Variants in MOB1B observed in about 807,000 individuals in gnomAD.
The protein encoded by MOB1B is MOB kinase activator 1B.
MOB1B carries 19 observed loss-of-function variants against 24.4 expected under a neutral mutation model. The observed-to-expected ratio is 0.78, with a 90% CI of 0.54 to 1.14. The LOEUF is 1.14. MOB1B is among the 50% of genes most tolerant of loss of function. The pLI is 0.00. For missense variants in MOB1B, 243 were observed against 259.6 expected (o/e 0.94, Z 0.44); for synonymous variants, 76 against 82.1 (o/e 0.93, Z 0.40).
intron 3 of MOB1B, among the ~76,000 whole-genome samples, chr4:70,974,579 C>T (rs112270296): frequency 0.013 from 1,966 of 152,206 alleles, 37 homozygotes; most frequent in African/African-American, 0.045. Flanking sequence ...TGGTGGTGTT[C>T]TGCTAATACC....
intron 1 of MOB1B, among the ~76,000 whole-genome samples, chr4:70,905,588 C>T (rs569128747): frequency 1.4e-4 from 21 of 152,182 alleles, no homozygotes; most frequent in Non-Finnish European, 2.1e-4. Context: ...AGAAGGAAAG[C>T]GTTACAGCTT....
intron 1 of MOB1B, among the ~76,000 whole-genome samples, chr4:70,957,197 A>G (rs1738097279): frequency 7.2e-6 from 1 of 139,240 alleles, no homozygotes; most frequent in East Asian, 2.1e-4. Flanking sequence ...AAGTTTTCCC[A>G]CTTCTCGAGC....
intron 1 of MOB1B, among the ~76,000 whole-genome samples, chr4:70,929,731 C>T (rs920627748): frequency 5.3e-5 from 8 of 151,854 alleles, no homozygotes; most frequent in South Asian, 2.1e-4. Context: ...CTGCAAGCTC[C>T]GCCTCCTGGG....
At chr4:70,954,481 A>G (rs1737951142) in intron 1 of MOB1B, among the ~76,000 whole-genome samples, 1 of 152,082 alleles carries the variant, frequency 6.6e-6, no homozygotes, top group African/African-American at 2.4e-5. Context: ...TTTGAGACGG[A>G]GTCTTGCTGT....
Position 70,908,190 on chromosome 4 carries a change from T to A in MOB1B, c.14+5640T>A, listed in dbSNP as rs903446138. Among the ~76,000 whole-genome samples, 4 of 151,672 alleles carry A rather than the reference T, an allele frequency of 2.6e-5. No individual in the cohort carries two copies. In the South Asian group the frequency reaches 8.3e-4, roughly 32 times the overall value. On this transcript the variant is annotated intron_variant, in intron 1 of 5. Coordinates refer to ENST00000309395, the MANE Select transcript of MOB1B (RefSeq NM_173468.4). ...ACAGGCACCCACCACCATGCCCGGC[T>A]ACTTTTTTTTTGTATTTTTAGTAGA...
chr4:70,980,738 G>GT (rs1263682283), intron 5 of MOB1B, among the ~76,000 whole-genome samples: 1 of 152,118 alleles, frequency 6.6e-6, no homozygotes, highest in Non-Finnish European at 1.5e-5. Flanking sequence ...GGTCCAAAAT[G>GT]TATTTCCAGG....
chr4:70,975,451 C>A, intron 4 of MOB1B, 165 bp downstream of exon 4: 1 of 1,333,466 alleles, frequency 7.5e-7, no homozygotes, highest in Non-Finnish European at 9.6e-7. Context: ...AGTTTGTTAA[C>A]CCAGTGGTAA....
chr4:70,933,542 CTTTTTTTTTTTTTTTT>C (rs34950388), intron 1 of MOB1B, among the ~76,000 whole-genome samples: 1 of 91,616 alleles, frequency 1.1e-5, no homozygotes, highest in African/African-American at 4.2e-5. Flanking sequence ...AAAAATAACT[CTTTTTTTTTTTTTTTT>C]TTTTTTTTTT....
chr4:70,933,965 G>A (rs1736982204), intron 1 of MOB1B, among the ~76,000 whole-genome samples: 1 of 152,154 alleles, frequency 6.6e-6, no homozygotes, highest in South Asian at 2.1e-4. Flanking sequence ...GGCAGGTGGA[G>A]CACTTGAGGC....
chr4:70,911,157 G>A (rs967774210), intron 1 of MOB1B, among the ~76,000 whole-genome samples: 1 of 151,978 alleles, frequency 6.6e-6, no homozygotes, highest in Admixed American at 6.6e-5. Flanking sequence ...GATTTCCACC[G>A]TGCGTAGACC....
rs572043472 is a variant in MOB1B, at chr4:70,923,355, G to C, written c.14+20805G>C. On this transcript the variant is annotated intron_variant, in intron 1 of 5. Coordinates refer to ENST00000309395, the MANE Select transcript of MOB1B (RefSeq NM_173468.4). The stretch of plus-strand genomic sequence containing the variant: ...TGTGTCACATGTCTCTGATGTCTCT[G>C]ACCTTAGGTGGGCACCGGTGCCACA... 2.6e-5 allele frequency among the ~76,000 whole-genome samples: 4 copies of C among 152,146 alleles called. No homozygotes were observed. The East Asian group carries it at 7.8e-4, about 30-fold the overall frequency.
chr4:70,975,085 C>T (rs1273653606), intron 3 of MOB1B, 68 bp from the exon 4 acceptor site: 3 of 1,160,762 alleles, frequency 2.6e-6, no homozygotes, highest in African/African-American at 1.6e-5. Context: ...AATATAGATA[C>T]ATAAAATATA....
At chr4:70,968,933 T>A (rs1382571816) in intron 2 of MOB1B, among the ~76,000 whole-genome samples, 6 of 152,154 alleles carry the variant, frequency 3.9e-5, no homozygotes, top group Admixed American at 3.9e-4. Flanking sequence ...CAGGTTTTAT[T>A]TTTTCCCATA....
At chr4:70,950,710 C>T (rs1334780298) in intron 1 of MOB1B, 2 of 1,521,874 alleles carry the variant, frequency 1.3e-6, no homozygotes, top group East Asian at 4.9e-5. Flanking sequence ...GAGTTCTCAG[C>T]CTGAAGTTGA....
chr4:70,959,623 T>C (rs888422577), intron 2 of MOB1B, among the ~76,000 whole-genome samples: 17 of 152,256 alleles, frequency 1.1e-4, no homozygotes, highest in African/African-American at 4.1e-4. Context: ...TGTCAAACAC[T>C]GTATAGACAT....
intron 1 of MOB1B, among the ~76,000 whole-genome samples, chr4:70,942,304 C>T (rs556327105): frequency 2.6e-5 from 4 of 151,852 alleles, no homozygotes; most frequent in South Asian, 2.1e-4. Flanking sequence ...ATTTAATATT[C>T]TAGTGGTCTA....
intron 1 of MOB1B, among the ~76,000 whole-genome samples, chr4:70,921,711 G>T (rs2148873553): frequency 6.6e-6 from 1 of 152,124 alleles, no homozygotes; most frequent in South Asian, 2.1e-4. Flanking sequence ...GTTTCACCGT[G>T]TTGGCCAGGT....
chr4:70,970,316 A>G (rs1238985090), intron 3 of MOB1B, among the ~76,000 whole-genome samples: 5 of 151,800 alleles, frequency 3.3e-5, no homozygotes, highest in East Asian at 1.9e-4. Flanking sequence ...TCTCTTGGAC[A>G]TTTTTCTTCT....
intron 1 of MOB1B, among the ~76,000 whole-genome samples, chr4:70,956,353 C>G (rs966120947): frequency 2.6e-5 from 4 of 152,076 alleles, no homozygotes; most frequent in African/African-American, 9.7e-5. Flanking sequence ...GTCTTGAACT[C>G]CTAGGTTCAG....
Sources: gnomAD v4.1 joint callset for allele counts (sites outside exome capture counted in the v4.1 genomes callset) on GRCh38, gnomAD v4.1.1 for gene constraint, MANE v1.5 for transcripts, NCBI Gene and HGNC (gene_info 2026-07-23, HGNC 2026-07-21) for gene names.